ATAD2B: variants seen among roughly 807,000 people sequenced by gnomAD.
ATAD2B encodes ATPase family AAA domain-containing protein 2B.
ATAD2B carries 40 observed loss-of-function variants against 167.6 expected under a neutral mutation model. That is an observed-to-expected ratio of 0.24 (90% CI 0.19 to 0.31). The LOEUF (loss-of-function observed/expected upper bound fraction) is 0.31, where lower values mean the gene tolerates loss of function less well. ATAD2B is among the 10% of genes least tolerant of loss of function. ATAD2B has a pLI of 1.00. For synonymous variants in ATAD2B, 579 were observed against 596.5 expected, an observed-to-expected ratio of 0.97 and a Z score of 0.43; for missense variants, 1,242 against 1,757.2, an observed-to-expected ratio of 0.71 and a Z score of 5.24.
intron 1 of ATAD2B, among the ~76,000 whole-genome samples, chr2:23,901,975 A>C (rs1700898163): frequency 6.6e-6 from 1 of 152,186 alleles, no homozygotes; most frequent in Non-Finnish European, 1.5e-5. Context: ...AGTTTTGCAC[A>C]TTTATTTATT....
At chr2:23,824,383 T>C (rs1687926433) in intron 15 of ATAD2B, among the ~76,000 whole-genome samples, 1 of 152,218 alleles carries the variant, frequency 6.6e-6, no homozygotes, top group South Asian at 2.1e-4. Context: ...TATAAATGAC[T>C]TTCTCTAATA....
chr2:23,757,279 GA>G, intron 25 of ATAD2B, 138 bp downstream of exon 25: 2 of 648,294 alleles, frequency 3.1e-6, no homozygotes, highest in Non-Finnish European at 4.7e-6. Flanking sequence ...CTTTTCTAGA[GA>G]ATAGGATGAA....
intron 24 of ATAD2B, among the ~76,000 whole-genome samples, chr2:23,760,729 C>CACAT (rs1242717217): frequency 2.4e-5 from 3 of 127,160 alleles, no homozygotes; most frequent in South Asian, 2.6e-4. Flanking sequence ...CACACACACA[C>CACAT]ATATACACAC....
At chr2:23,872,229 G>C (rs1172554019) in intron 8 of ATAD2B, 4 of 387,098 alleles carry the variant, frequency 1.0e-5, no homozygotes, top group Non-Finnish European at 1.5e-5. Context: ...TGTCAACCCA[G>C]GCTGGAGTGA....
intron 22 of ATAD2B, among the ~76,000 whole-genome samples, chr2:23,768,989 A>G (rs535807379): frequency 6.6e-6 from 1 of 152,320 alleles, no homozygotes; most frequent in East Asian, 1.9e-4. Context: ...AAACCTTTGT[A>G]TGGAAATATA....
the ATAD2B span, among the ~76,000 whole-genome samples, chr2:23,739,003 T>C: frequency 6.6e-6 from 1 of 152,062 alleles, no homozygotes; most frequent in Non-Finnish European, 1.5e-5. Flanking sequence ...GAACTAACTA[T>C]CCTAAATATA....
chr2:23,883,175 G>A (rs1014115072), intron 6 of ATAD2B, among the ~76,000 whole-genome samples: 1 of 151,748 alleles, frequency 6.6e-6, no homozygotes, highest in African/African-American at 2.4e-5. Context: ...AGCTACTCAG[G>A]AGGCTGACAT....
the ATAD2B span, among the ~76,000 whole-genome samples, chr2:23,700,762 T>C: frequency 6.6e-6 from 1 of 152,168 alleles, no homozygotes; most frequent in Admixed American, 6.5e-5. This position sits in a 1 kb window ranked among gnomAD's most constrained non-coding sequence, Gnocchi z 4.6. Context: ...CTTGTTCCGG[T>C]TGAAGTGCCC....
intron 19 of ATAD2B, among the ~76,000 whole-genome samples, chr2:23,791,397 A>G (rs559661021): frequency 3.3e-5 from 5 of 152,146 alleles, no homozygotes; most frequent in Admixed American, 1.3e-4. Flanking sequence ...TAAGGACTCC[A>G]GTTTCTATAT....
At chr2:23,878,034 A>AAAAAAAAAAAAAAAC (rs1385064799) in intron 7 of ATAD2B, among the ~76,000 whole-genome samples, 1 of 147,570 alleles carries the variant, frequency 6.8e-6, no homozygotes, top group Non-Finnish European at 1.5e-5. Context: ...AAAAAAAAAA[A>AAAAAAAAAAAAAAAC]AAAAAGCAAA....
At chr2:23,840,305 A>G (rs1167696246) in intron 13 of ATAD2B, among the ~76,000 whole-genome samples, 2 of 152,174 alleles carry the variant, frequency 1.3e-5, no homozygotes, top group African/African-American at 4.8e-5. Context: ...AAACCAAAAC[A>G]TTACATTTTG....
rs1403737323 is a variant in ATAD2B at position 23,751,555 on chromosome 2, C to T, written c.*491G>A. On this transcript the variant is annotated 3_prime_UTR_variant, in exon 28 of 28. Coordinates refer to ENST00000238789, the MANE Select transcript of ATAD2B (RefSeq NM_017552.4). ...AGCTTCCCACCAGAACAGACCATAG[C>T]CAACTCTAAAACAGGTTTCAGTCCA... The T allele has an allele frequency of 6.5e-6, 1 of 154,386 alleles. No homozygotes were observed. The highest frequency in any genetic ancestry group is 1.9e-4 in the East Asian group (1 of 5,202). 9.6% of individuals were successfully genotyped at this position (154,386 alleles called of 1,614,324 possible). A position where few individuals can be genotyped will look rare whatever the true frequency, so the allele number is the denominator to read the frequency against.
intron 13 of ATAD2B, among the ~76,000 whole-genome samples, chr2:23,848,113 C>G (rs1421028142): frequency 6.6e-6 from 1 of 151,886 alleles, no homozygotes; most frequent in Admixed American, 6.6e-5. Context: ...ATATGAACAT[C>G]TACAAAAGGA....
At chr2:23,679,770 G>C in the ATAD2B span, among the ~76,000 whole-genome samples, 2 of 152,196 alleles carry the variant, frequency 1.3e-5, no homozygotes, top group Admixed American at 1.3e-4. Context: ...CTCCGGAGGA[G>C]GGCAGAGGGC....
At chr2:23,733,136 C>G in the ATAD2B span, among the ~76,000 whole-genome samples, 4 of 152,192 alleles carry the variant, frequency 2.6e-5, no homozygotes, top group Admixed American at 1.3e-4. Flanking sequence ...TGAACATGCT[C>G]AGTTTTTTCA....
chr2:23,805,492 A>T (rs1684221291), intron 18 of ATAD2B, among the ~76,000 whole-genome samples: 1 of 152,164 alleles, frequency 6.6e-6, no homozygotes, highest in South Asian at 2.1e-4. Flanking sequence ...ACGTGAAGGG[A>T]TATTCAGTTT....
At chr2:23,853,366 T>C (rs1692877309) in intron 13 of ATAD2B, among the ~76,000 whole-genome samples, 1 of 152,210 alleles carries the variant, frequency 6.6e-6, no homozygotes, top group South Asian at 2.1e-4. Context: ...CAAATGAATT[T>C]AGCAAGGTTG....
intron 1 of ATAD2B, among the ~76,000 whole-genome samples, chr2:23,924,340 T>A (rs976890952): frequency 6.6e-6 from 1 of 152,134 alleles, no homozygotes; most frequent in African/African-American, 2.4e-5. Context: ...TTGCACCAAA[T>A]GAGACTTTAC....
chr2:23,777,582 T>C (rs895693769), intron 22 of ATAD2B, among the ~76,000 whole-genome samples: 1 of 152,126 alleles, frequency 6.6e-6, no homozygotes, highest in African/African-American at 2.4e-5. Flanking sequence ...TCCAAAAGTT[T>C]GGGTGAATCT....
Sources: allele counts gnomAD v4.1 joint callset (sites outside exome capture counted in the v4.1 genomes callset), GRCh38; gene constraint gnomAD v4.1.1; non-coding constraint Gnocchi (gnomAD v3.1); transcripts MANE v1.5; gene names NCBI Gene and HGNC (gene_info 2026-07-23, HGNC 2026-07-21).